VAV2: variants seen among roughly 807,000 people sequenced by gnomAD.
The protein encoded by VAV2 is vav guanine nucleotide exchange factor 2.
A neutral mutation model predicts 132.5 loss-of-function variants in VAV2; 67 were observed. That is an observed-to-expected ratio of 0.51 (90% CI 0.42 to 0.62). The LOEUF is 0.62. VAV2 is among the 20% of genes least tolerant of loss of function. The pLI is 0.00. For synonymous variants in VAV2, 492 were observed against 443.5 expected, an observed-to-expected ratio of 1.11 and a Z score of -1.37; for missense variants, 938 against 1,153.6, an observed-to-expected ratio of 0.81 and a Z score of 2.71.
chr9:133,774,011 A>G lies in VAV2; in HGVS notation c.2135+924T>C, dbSNP rs192008836. ...TAATCTTACGGGACCACCACCACAT[A>G]TGGGGTCCCTCACAGACTGGAATGT... On this transcript the variant is annotated intron_variant, in intron 25 of 29. Transcript: ENST00000371850. 2.6e-5 allele frequency among the ~76,000 whole-genome samples: 4 copies of G among 152,238 alleles called. No individual in the cohort carries two copies. In the East Asian group the frequency reaches 7.7e-4, roughly 29 times the overall value.
intron 4 of VAV2, among the ~76,000 whole-genome samples, chr9:133,815,552 T>C (rs1835523859): frequency 6.6e-6 from 1 of 152,150 alleles, no homozygotes; most frequent in African/African-American, 2.4e-5. Flanking sequence ...GTGCGTTAGA[T>C]TTGTTTTTGT....
intron 29 of VAV2, among the ~76,000 whole-genome samples, chr9:133,767,974 G>A (rs1292268824): frequency 6.6e-6 from 1 of 152,174 alleles, no homozygotes; most frequent in Non-Finnish European, 1.5e-5. Context: ...AAAGTGTGAA[G>A]GGATTGGGGA....
intron 2 of VAV2, among the ~76,000 whole-genome samples, chr9:133,911,924 CTTTTT>C (rs1051520944): frequency 1.3e-5 from 2 of 151,798 alleles, no homozygotes; most frequent in Non-Finnish European, 2.9e-5. Context: ...GTCAGATTTT[CTTTTT>C]TTTTATTTCC....
chr9:133,830,757 C>T (rs1167387891), intron 4 of VAV2, among the ~76,000 whole-genome samples: 3 of 152,138 alleles, frequency 2.0e-5, no homozygotes, highest in African/African-American at 7.2e-5. Flanking sequence ...AAATGGCATG[C>T]GCTTGTGTCT....
In VAV2 at chr9:133,791,859, A is replaced by G. The variant is rs1834475901; in HGVS notation, c.1112T>C (p.Met371Thr). 2 of 1,602,306 alleles carry G rather than the reference A, an allele frequency of 1.2e-6. No individual in the cohort carries two copies. Among genetic ancestry groups the G allele is most frequent in the Non-Finnish European group, 1.7e-6 (2 of 1,175,496 alleles). ...EALEAMQDLA[M>T]YINEVKRDKE... ...GTCCCGTTTAACTTCATTGATGTAC[A>G]TCGCCAAGTCCTTGAAAACAAGAGG... Residue 371 changes from methionine to threonine, a missense_variant, in exon 13 of 30, where the codon ATG becomes ACG. Coordinates refer to ENST00000371850, the MANE Select transcript of VAV2 (RefSeq NM_001134398.2).
rs777808414 is a variant in VAV2 at position 133,764,092 on chromosome 9, T to G, written c.2607A>C (p.Ser869=). The change falls in exon 30 of 30, where the codon TCA becomes TCC. Residue 869 remains serine (S), a synonymous_variant. Transcript: ENST00000371850. ...GGATGCCCTCCTCTTCTACGTACGTTGAAGGAAACCAGCCAATCTGAAAAA... is the reference window on the plus strand; with the variant it reads ...GGATGCCCTCCTCTTCTACGTACGTGGAAGGAAACCAGCCAATCTGAAAAA... ...ETNGRIGWFP[S]TYVEEEGIQ 2.5e-6 allele frequency: 4 copies of G among 1,613,540 alleles called. No homozygotes were observed. In the South Asian group the frequency reaches 3.3e-5, roughly 13 times the overall value.
At chr9:133,938,475 C>T (rs1471538475) in intron 2 of VAV2, among the ~76,000 whole-genome samples, 2 of 147,908 alleles carry the variant, frequency 1.4e-5, no homozygotes, top group Non-Finnish European at 3.0e-5. Flanking sequence ...CACCTGCCAG[C>T]CTCAGGGTCC....
rs778290157 is a variant in VAV2, at chr9:133,834,256, C to T, written c.449+16G>A. 33 of 1,604,308 alleles carry T rather than the reference C, an allele frequency of 2.1e-5. No individual in the cohort carries two copies. Among genetic ancestry groups the T allele is most frequent in the Non-Finnish European group, 2.7e-5 (32 of 1,175,074 alleles). The stretch of plus-strand genomic sequence containing the variant: ...CCTCCCTCCTCTCCATCCCTCCTCC[C>T]ATCCCCCCGCCTTACTCGGCCAGCT... On this transcript the variant is annotated intron_variant, in intron 4 of 29. Coordinates refer to ENST00000371850, the MANE Select transcript of VAV2 (RefSeq NM_001134398.2). This position sits in a 1 kb window ranked among gnomAD's most constrained non-coding sequence, Gnocchi z 5.9.
At chr9:133,851,688 A>G (rs1489510662) in intron 3 of VAV2, among the ~76,000 whole-genome samples, 1 of 151,556 alleles carries the variant, frequency 6.6e-6, no homozygotes, top group African/African-American at 2.4e-5. Context: ...GGATGGATGG[A>G]TGGATGGATG....
At chr9:133,866,813 A>G (rs1837820639) in intron 2 of VAV2, among the ~76,000 whole-genome samples, 1 of 151,806 alleles carries the variant, frequency 6.6e-6, no homozygotes, top group East Asian at 1.9e-4. Flanking sequence ...CTCAAAAAAA[A>G]AAAAAAAAAG....
At position 133,976,997 on chromosome 9, in the gene VAV2, G is replaced by A. The variant is rs548860507; in HGVS notation, c.204+15078C>T. 3.6e-4 allele frequency among the ~76,000 whole-genome samples: 55 copies of A among 152,338 alleles called. 2 individuals are homozygous for A. The highest frequency in any genetic ancestry group is 3.3e-3 in the East Asian group (17 of 5,192). The stretch of plus-strand genomic sequence containing the variant: ...TGCCTGGACACCCCAAGGCTGAAGG[G>A]GGTGCCTCTCCTACAGCCAGGGACT... On this transcript the variant is annotated intron_variant, in intron 1 of 29. Coordinates refer to ENST00000371850, the MANE Select transcript of VAV2 (RefSeq NM_001134398.2).
chr9:133,936,443 G>C (rs1429760318), intron 2 of VAV2, among the ~76,000 whole-genome samples: 1 of 151,960 alleles, frequency 6.6e-6, no homozygotes, highest in East Asian at 1.9e-4. Flanking sequence ...GGGTTTCACC[G>C]TGTTGCCCAG....
intron 1 of VAV2, among the ~76,000 whole-genome samples, chr9:133,985,051 T>C (rs991165456): frequency 2.0e-5 from 3 of 152,162 alleles, no homozygotes; most frequent in African/African-American, 4.8e-5. Context: ...AGCACTGATA[T>C]AGACAGAAAA....
At chr9:133,894,907 T>C (rs1304074279) in intron 2 of VAV2, among the ~76,000 whole-genome samples, 1 of 152,088 alleles carries the variant, frequency 6.6e-6, no homozygotes, top group African/African-American at 2.4e-5. Context: ...CCCTAGACCC[T>C]GGGGTAAAGG....
At chr9:133,900,098 C>T (rs912473737) in intron 2 of VAV2, among the ~76,000 whole-genome samples, 5 of 151,534 alleles carry the variant, frequency 3.3e-5, no homozygotes, top group African/African-American at 4.8e-5. Flanking sequence ...ACTCGGGAGG[C>T]GAAGGCAGGA....
intron 2 of VAV2, among the ~76,000 whole-genome samples, chr9:133,890,247 T>A (rs1838877216): frequency 1.3e-5 from 2 of 152,034 alleles, no homozygotes; most frequent in Non-Finnish European, 2.9e-5. Flanking sequence ...AGTGGTTTCT[T>A]CCGAGGAGCC....
rs182074228 is a variant in VAV2 at position 133,920,827 on chromosome 9, A to G, written c.321+18276T>C. Among the ~76,000 whole-genome samples the G allele has an allele frequency of 1.3e-4, 20 of 152,048 alleles. 1 individual carries two copies. The highest frequency in any genetic ancestry group is 1.3e-3 in the Admixed American group (20 of 15,292). On this transcript the variant is annotated intron_variant, in intron 2 of 29. Coordinates refer to ENST00000371850, the MANE Select transcript of VAV2 (RefSeq NM_001134398.2). ...CACCTCCACTAGTGAAAGGGGCCCC[A>G]ACTGAGGTCCCTGAAGGTCATGTCC...
intron 3 of VAV2, among the ~76,000 whole-genome samples, chr9:133,848,294 A>AG (rs1442897388): frequency 1.3e-5 from 2 of 151,824 alleles, no homozygotes; most frequent in East Asian, 3.9e-4. Flanking sequence ...AAAAAAAAAA[A>AG]AAAAAAAAAA....
At chr9:133,965,716 CTA>C (rs1189183665) in intron 1 of VAV2, among the ~76,000 whole-genome samples, 1 of 152,084 alleles carries the variant, frequency 6.6e-6, no homozygotes, top group Admixed American at 6.5e-5. Context: ...ACCAAAATAT[CTA>C]TAGATTAAAT....
Sources: allele counts gnomAD v4.1 joint callset (sites outside exome capture counted in the v4.1 genomes callset), GRCh38; gene constraint gnomAD v4.1.1; non-coding constraint Gnocchi (gnomAD v3.1); transcripts MANE v1.5; gene names NCBI Gene and HGNC (gene_info 2026-07-23, HGNC 2026-07-21).